The following ACACA variants were observed in gnomAD, a reference collection of about 807,000 sequenced individuals.
ACACA encodes the protein acetyl-CoA carboxylase alpha.
In ACACA, 103 loss-of-function variants were observed where a neutral mutation model predicts 296.1. The ratio of observed to expected loss-of-function variants is 0.35; its 90% CI spans 0.30 to 0.41. The LOEUF is 0.41. Ranked by LOEUF, ACACA falls within the 10% of genes least tolerant of loss-of-function variation. ACACA has a pLI of 1.00. For missense variants in ACACA, 1,554 were observed against 2,989.7 expected, an observed-to-expected ratio of 0.52 and a Z score of 11.20; for synonymous variants, 953 against 1,038.6, an observed-to-expected ratio of 0.92 and a Z score of 1.58.
chr17:37,204,288 G>A (rs1291726773), intron 33 of ACACA, among the ~76,000 whole-genome samples: 1 of 152,128 alleles, frequency 6.6e-6, no homozygotes, highest in South Asian at 2.1e-4. Flanking sequence ...CCCTCAACTA[G>A]ACTATAAGCA....
intron 1 of ACACA, chr17:37,387,784 G>A (rs1456529911): frequency 2.0e-5 from 3 of 151,988 alleles, no homozygotes; most frequent in African/African-American, 7.3e-5. Flanking sequence ...TCCTTAAATT[G>A]GCCAGGACTA....
chr17:37,209,813 T>C (rs1396605556), intron 30 of ACACA, among the ~76,000 whole-genome samples: 1 of 152,230 alleles, frequency 6.6e-6, no homozygotes, highest in Non-Finnish European at 1.5e-5. Context: ...TGTGTTGCCT[T>C]GCTTGGTTCA....
chr17:37,328,308 T>C (rs35737566), intron 3 of ACACA, among the ~76,000 whole-genome samples: 10,293 of 152,278 alleles, frequency 0.068, 476 homozygotes, highest in Middle Eastern at 0.17. Flanking sequence ...GGCTCATGCC[T>C]GTAATCCCAG....
rs540800602 is a variant in ACACA at position 37,279,068 on chromosome 17, T to TA, written c.611-1064dup. Reference sequence around the variant, plus strand: ...ATTTATGCGGCCAACAAACATATTTTAAAAAAAACCTCAACATCAGTGATC... The same window carrying TA: ...ATTTATGCGGCCAACAAACATATTTTAAAAAAAAACCTCAACATCAGTGATC... On this transcript the variant is annotated intron_variant, in intron 5 of 55. Coordinates refer to ENST00000616317, the MANE Select transcript of ACACA (RefSeq NM_198834.3). 9.9e-5 allele frequency among the ~76,000 whole-genome samples: 15 copies of TA among 151,780 alleles called. No individual in the cohort carries two copies. The South Asian group carries it at 1.7e-3, about 17-fold the overall frequency.
chr17:37,395,545 T>C (rs71375437), intron 1 of ACACA, among the ~76,000 whole-genome samples: 38,187 of 152,038 alleles, frequency 0.25, 4,941 homozygotes, highest in Middle Eastern at 0.38. Context: ...CCACCTTTTT[T>C]TAAATTTTAA....
chr17:37,198,841 C>G (rs982649993), intron 35 of ACACA, among the ~76,000 whole-genome samples: 3 of 152,216 alleles, frequency 2.0e-5, no homozygotes, highest in African/African-American at 4.8e-5. Context: ...AAAGCAATCA[C>G]ACATAGGTCC....
rs2144436618 is a variant in ACACA, at chr17:37,161,803, A to G, written c.5327T>C (p.Val1776Ala). The G allele has an allele frequency of 2.5e-6, 4 of 1,612,702 alleles. No homozygotes were observed. The highest frequency in any genetic ancestry group is 3.4e-6 in the Non-Finnish European group (4 of 1,179,990). ...EIRHMFHVAW[V>A]DPEDPYKGYR... is the part of the protein sequence containing the mutation. ...TACCTTGTAAGGATCCTCAGGATCT[A>G]CCCAGGCCACATGAAACATATGGCG... Residue 1776 changes from valine to alanine, a missense_variant, in exon 42 of 56, where the codon GTA becomes GCA. Physicochemically the swap from Val to Ala is moderately conservative, Grantham distance 64. This residue lies in a region of ACACA where 553 missense variants were observed against 1,043.6 expected (regional missense o/e 0.53). Coordinates refer to ENST00000616317, the MANE Select transcript of ACACA (RefSeq NM_198834.3).
intron 1 of ACACA, among the ~76,000 whole-genome samples, chr17:37,386,576 A>G (rs1476886732): frequency 6.6e-6 from 1 of 151,448 alleles, no homozygotes; most frequent in Non-Finnish European, 1.5e-5. Flanking sequence ...GGGGCGACAG[A>G]GTGAGACTTT....
At chr17:37,244,222 C>T (rs2080573334) in intron 21 of ACACA, among the ~76,000 whole-genome samples, 1 of 151,820 alleles carries the variant, frequency 6.6e-6, no homozygotes, top group South Asian at 2.1e-4. Context: ...AAAAATTAGC[C>T]GCGCCTGGTG....
chr17:37,297,603 C>T (rs2083416548), intron 3 of ACACA, among the ~76,000 whole-genome samples: 1 of 151,134 alleles, frequency 6.6e-6, no homozygotes, highest in South Asian at 2.1e-4. Context: ...AGTGTGATGG[C>T]GTGATCTCTG....
intron 1 of ACACA, among the ~76,000 whole-genome samples, chr17:37,351,635 CT>C (rs1324083889): frequency 6.6e-6 from 1 of 152,166 alleles, no homozygotes; most frequent in Non-Finnish European, 1.5e-5. Flanking sequence ...ATGTTATTCA[CT>C]TATTTCTTTA....
chr17:37,365,876 G>A (rs73984213), intron 1 of ACACA: 5,423 of 276,864 alleles, frequency 0.02, 247 homozygotes, highest in African/African-American at 0.1. Context: ...CTTATCCAAT[G>A]GCAAACACTT....
At chr17:37,135,283 T>C (rs1455537247) in intron 45 of ACACA, among the ~76,000 whole-genome samples, 1 of 152,188 alleles carries the variant, frequency 6.6e-6, no homozygotes, top group African/African-American at 2.4e-5. Flanking sequence ...GGTTCCAAAA[T>C]ACAGTTTCTT....
intron 1 of ACACA, among the ~76,000 whole-genome samples, chr17:37,382,104 T>C (rs2050318990): frequency 6.6e-6 from 1 of 152,184 alleles, no homozygotes; most frequent in South Asian, 2.1e-4. Flanking sequence ...TATATATTCT[T>C]CTTGTATACC....
chr17:37,216,157 CAA>C (rs1491222018), intron 29 of ACACA, among the ~76,000 whole-genome samples: 29,316 of 142,846 alleles, frequency 0.21, 3,106 homozygotes, highest in Admixed American at 0.31. Flanking sequence ...CACACACACA[CAA>C]CATACACATG....
chr17:37,259,726 G>C (rs901803728), intron 11 of ACACA, among the ~76,000 whole-genome samples, 196 bp from the exon 12 acceptor site: 1 of 152,042 alleles, frequency 6.6e-6, no homozygotes, highest in Non-Finnish European at 1.5e-5. Flanking sequence ...CGGGAGAAAA[G>C]AGCATTTTTC....
chr17:37,353,769 C>A (rs2049012409), intron 1 of ACACA, among the ~76,000 whole-genome samples: 1 of 151,626 alleles, frequency 6.6e-6, no homozygotes, highest in African/African-American at 2.4e-5. Context: ...AGAAAGACTC[C>A]CCAAAACTGA....
chr17:37,389,701 GA>G (rs1034855459), intron 1 of ACACA, among the ~76,000 whole-genome samples: 14 of 151,276 alleles, frequency 9.3e-5, no homozygotes, highest in Admixed American at 5.3e-4. Flanking sequence ...AAAAAAGAAA[GA>G]AAAAAAGAAA....
intron 29 of ACACA, among the ~76,000 whole-genome samples, chr17:37,219,390 G>C (rs554427708): frequency 2.0e-5 from 3 of 152,224 alleles, no homozygotes; most frequent in Admixed American, 1.3e-4. Flanking sequence ...TGAACTCTGT[G>C]AGTTGTTCTG....
Sources: gnomAD v4.1 joint callset for allele counts (sites outside exome capture counted in the v4.1 genomes callset) on GRCh38, gnomAD v4.1.1 for gene constraint, gnomAD v4.1.1 regional missense constraint, MANE v1.5 for transcripts, NCBI Gene and HGNC (gene_info 2026-07-23, HGNC 2026-07-21) for gene names.